The following GRB14 variants were observed in gnomAD, a reference collection of about 807,000 sequenced individuals.
GRB14 encodes growth factor receptor-bound protein 14.
In GRB14, 38 loss-of-function variants were observed where a neutral mutation model predicts 69.1. The ratio of observed to expected loss-of-function variants is 0.55; its 90% CI spans 0.42 to 0.72. The LOEUF (loss-of-function observed/expected upper bound fraction) is 0.72. GRB14 is among the 30% of genes least tolerant of loss of function. The pLI is 0.00. For missense variants in GRB14, 666 were observed against 666.1 expected (o/e 1.00, Z 0.00); for synonymous variants, 247 against 241.3 (o/e 1.02, Z -0.22).
intron 2 of GRB14, among the ~76,000 whole-genome samples, chr2:164,581,327 T>C (rs905335431): frequency 2.0e-5 from 3 of 152,134 alleles, no homozygotes; most frequent in Non-Finnish European, 4.4e-5. Context: ...TTAATGGTCC[T>C]GATCAGGGAA....
chr2:164,616,387 C>T (rs544177813), intron 2 of GRB14, among the ~76,000 whole-genome samples: 1 of 134,118 alleles, frequency 7.5e-6, no homozygotes, highest in Non-Finnish European at 1.5e-5. Context: ...GATTGTGCCA[C>T]TGCACTCCAG....
In GRB14 at chr2:164,621,087, G is replaced by T; in HGVS notation, c.191+32C>A. The stretch of plus-strand genomic sequence containing the variant: ...ACCCCCTCGCCGGCTGCCCAGCCAG[G>T]ACACTCCCCCGCGCCCTCCAGGGTT... On this transcript the variant is annotated intron_variant, in intron 1 of 13. Transcript: ENST00000263915. This position sits in a 1 kb window ranked among gnomAD's most constrained non-coding sequence, Gnocchi z 6.0. 1 of 1,245,370 alleles carries T rather than the reference G, an allele frequency of 8.0e-7. No individual in the cohort carries two copies. The highest frequency in any genetic ancestry group is 4.1e-5 in the South Asian group (1 of 24,360). 77.1% of individuals were successfully genotyped at this position (1,245,370 alleles called of 1,614,324 possible). A position where few individuals can be genotyped will look rare whatever the true frequency, so the allele number is the denominator to read the frequency against.
chr2:164,610,825 T>A (rs1233987843), intron 2 of GRB14, among the ~76,000 whole-genome samples: 4 of 135,692 alleles, frequency 2.9e-5, no homozygotes, highest in Admixed American at 2.5e-4. Context: ...CGGATTATGG[T>A]AAGTGCAGCC....
At chr2:164,589,439 T>G (rs1266882335) in intron 2 of GRB14, among the ~76,000 whole-genome samples, 2 of 152,148 alleles carry the variant, frequency 1.3e-5, no homozygotes, top group Admixed American at 1.3e-4. Context: ...ACAATTCTGC[T>G]GGCTGGAAGA....
At chr2:164,604,248 T>C (rs1307142589) in intron 2 of GRB14, among the ~76,000 whole-genome samples, 1 of 152,198 alleles carries the variant, frequency 6.6e-6, no homozygotes, top group Non-Finnish European at 1.5e-5. Flanking sequence ...GAGAAACCCT[T>C]GCACACAGGC....
intron 12 of GRB14, among the ~76,000 whole-genome samples, chr2:164,496,279 C>A (rs1203028112): frequency 6.6e-6 from 1 of 152,160 alleles, no homozygotes; most frequent in Non-Finnish European, 1.5e-5. Context: ...AACCACAATA[C>A]AACCTCCCTC....
chr2:164,520,003 G>GA (rs1032421730), intron 6 of GRB14, among the ~76,000 whole-genome samples: 19 of 150,646 alleles, frequency 1.3e-4, no homozygotes, highest in South Asian at 1.0e-3. Context: ...CACAGAACTA[G>GA]AAAAAAAAAT....
At chr2:164,603,671 A>T (rs566977969) in intron 2 of GRB14, among the ~76,000 whole-genome samples, 3,030 of 108,330 alleles carry the variant, frequency 0.028, 70 homozygotes, top group African/African-American at 0.065. Context: ...TCAAAAAAAA[A>T]ATATATATAT....
intron 4 of GRB14, among the ~76,000 whole-genome samples, 154 bp downstream of exon 4, chr2:164,526,860 A>G (rs1687785936): frequency 6.6e-6 from 1 of 151,936 alleles, no homozygotes; most frequent in African/African-American, 2.4e-5. Flanking sequence ...AATCATTGTT[A>G]GCATAAGAAA....
At chr2:164,523,334 T>C (rs1574268827) in intron 5 of GRB14, among the ~76,000 whole-genome samples, 1 of 151,250 alleles carries the variant, frequency 6.6e-6, no homozygotes, top group Non-Finnish European at 1.5e-5. Context: ...GTCAAGAAAA[T>C]GAGAATGAAA....
intron 6 of GRB14, among the ~76,000 whole-genome samples, chr2:164,509,699 AC>A (rs973390372): frequency 6.6e-6 from 1 of 151,136 alleles, no homozygotes; most frequent in African/African-American, 2.4e-5. Flanking sequence ...AGCAATGCAA[AC>A]TTTCAGGGCT....
chr2:164,511,381 A>G (rs1448253027), intron 6 of GRB14, among the ~76,000 whole-genome samples: 1 of 152,128 alleles, frequency 6.6e-6, no homozygotes, highest in Non-Finnish European at 1.5e-5. Flanking sequence ...AGGAGAGGGA[A>G]GAGTAAAGAG....
At chr2:164,503,016 C>T (rs1687096322) in intron 8 of GRB14, among the ~76,000 whole-genome samples, 1 of 151,880 alleles carries the variant, frequency 6.6e-6, no homozygotes, top group African/African-American at 2.4e-5. Flanking sequence ...ATGGATTGAG[C>T]TGGCAGGACA....
intron 2 of GRB14, among the ~76,000 whole-genome samples, chr2:164,550,701 T>C (rs1253612639): frequency 1.3e-5 from 2 of 152,116 alleles, no homozygotes; most frequent in Non-Finnish European, 2.9e-5. Flanking sequence ...TTATGTGTCA[T>C]TCTATTGACC....
intron 6 of GRB14, 53 bp downstream of exon 6, chr2:164,521,927 T>C: frequency 6.8e-7 from 1 of 1,477,148 alleles, no homozygotes; most frequent in South Asian, 1.2e-5. Flanking sequence ...CAACGTGTTT[T>C]AACTTACAGC....
At chr2:164,572,210 A>C (rs1229765798) in intron 2 of GRB14, among the ~76,000 whole-genome samples, 2 of 152,230 alleles carry the variant, frequency 1.3e-5, no homozygotes, top group African/African-American at 4.8e-5. Context: ...TAATGACAAC[A>C]ACCGCAATTA....
chr2:164,548,825 C>A (rs1404349362), intron 2 of GRB14, among the ~76,000 whole-genome samples: 2 of 152,092 alleles, frequency 1.3e-5, no homozygotes, highest in Non-Finnish European at 2.9e-5. Context: ...TGTTGACCAC[C>A]TTTTCATATA....
Position 164,540,608 on chromosome 2 carries a change from C to CTAAA in GRB14, c.481+7048_481+7051dup, listed in dbSNP as rs369754374. ...TGGGGAGCAGAGTGAGACTCGGTCTCTAAATAAATAAATAAAAAATAAAGC... is the reference window on the plus strand; with the variant it reads ...TGGGGAGCAGAGTGAGACTCGGTCTCTAAATAAATAAATAAATAAAAAATAAAGC... On this transcript the variant is annotated intron_variant, in intron 3 of 13. Transcript: ENST00000263915. Among the ~76,000 whole-genome samples, 428 of 152,106 alleles carry CTAAA rather than the reference C, an allele frequency of 2.8e-3. 2 individuals are homozygous for CTAAA. The highest frequency in any genetic ancestry group is 0.01 in the African/African-American group (418 of 41,490).
At chr2:164,556,152 T>C (rs1213417371) in intron 2 of GRB14, among the ~76,000 whole-genome samples, 1 of 152,152 alleles carries the variant, frequency 6.6e-6, no homozygotes, top group Admixed American at 6.5e-5. Context: ...TATTACTTAT[T>C]CCAAATCTCT....
Sources: allele counts gnomAD v4.1 joint callset (sites outside exome capture counted in the v4.1 genomes callset), GRCh38; gene constraint gnomAD v4.1.1; non-coding constraint Gnocchi (gnomAD v3.1); transcripts MANE v1.5; gene names NCBI Gene and HGNC (gene_info 2026-07-23, HGNC 2026-07-21).